RNF144A: variants seen among roughly 807,000 people sequenced by gnomAD.
RNF144A encodes the protein E3 ubiquitin-protein ligase RNF144A.
A neutral mutation model predicts 38.7 loss-of-function variants in RNF144A; 11 were observed. The ratio of observed to expected loss-of-function variants is 0.28; its 90% CI spans 0.18 to 0.47. RNF144A has a LOEUF of 0.47. RNF144A is among the 20% of genes least tolerant of loss of function. The probability of loss-of-function intolerance (pLI) is 0.99; values close to 1 mark genes in which losing one functional copy is unlikely to be tolerated. For synonymous variants in RNF144A, 149 were observed against 143.9 expected (o/e 1.04, Z -0.25); for missense variants, 316 against 377.2 (o/e 0.84, Z 1.34).
intron 1 of RNF144A, chr2:6,933,124 C>T (rs1386362935): frequency 6.6e-6 from 1 of 152,184 alleles, no homozygotes; most frequent in South Asian, 2.1e-4. Flanking sequence ...CTTGCAAGTT[C>T]AGCAACAGCT....
Position 7,055,404 on chromosome 2 carries a change from C to T in RNF144A, c.735-12812C>T, listed in dbSNP as rs564038220. On this transcript the variant is annotated intron_variant, in intron 6 of 6. Coordinates refer to the RNF144A transcript ENST00000432850. ...ATTAATGTTTGAAACCATTATACCA[C>T]CTTTAGCCTACTCCTTCCCTGCAGC... 3.3e-5 allele frequency among the ~76,000 whole-genome samples: 5 copies of T among 152,324 alleles called. No individual in the cohort carries two copies. The South Asian group carries it at 1.0e-3, about 32-fold the overall frequency.
rs2103261410 is a variant in RNF144A, at chr2:6,917,799, G to A, written c.-212+177G>A. Among the ~76,000 whole-genome samples the A allele has an allele frequency of 6.6e-6, 1 of 150,510 alleles. No individual in the cohort carries two copies. Among genetic ancestry groups the A allele is most frequent in the South Asian group, 2.1e-4 (1 of 4,826 alleles). ...CGGGCGGGGGGCAGCGTCCCGGGCG[G>A]GGACTCGCGGGCTCCGTTCAGAGGA... On this transcript the variant is annotated intron_variant, in intron 1 of 8. Transcript: ENST00000320892. This position sits in a 1 kb window ranked among gnomAD's most constrained non-coding sequence, Gnocchi z 4.8.
At chr2:6,963,574 A>G (rs1667475259) in intron 2 of RNF144A, among the ~76,000 whole-genome samples, 1 of 152,226 alleles carries the variant, frequency 6.6e-6, no homozygotes, top group Non-Finnish European at 1.5e-5. Flanking sequence ...GTTTCCAAAA[A>G]TGACCGAACA....
chr2:6,967,417 C>G (rs1420648671), intron 2 of RNF144A, among the ~76,000 whole-genome samples: 1 of 152,176 alleles, frequency 6.6e-6, no homozygotes, highest in Non-Finnish European at 1.5e-5. Context: ...GGGAACCGGC[C>G]CAGGGTCTTG....
At chr2:6,998,432 T>A (rs1392847866) in intron 3 of RNF144A, among the ~76,000 whole-genome samples, 1 of 152,254 alleles carries the variant, frequency 6.6e-6, no homozygotes, top group Admixed American at 6.5e-5. Context: ...TACAAACATT[T>A]ACATCTGTGT....
At chr2:6,921,649 G>A (rs1171370799) in intron 1 of RNF144A, among the ~76,000 whole-genome samples, 2 of 152,186 alleles carry the variant, frequency 1.3e-5, no homozygotes, top group South Asian at 2.1e-4. Context: ...TCTAGGGAGC[G>A]GGAAGCTCAA....
rs1305443403 is a variant in RNF144A, at chr2:6,962,395, A to G, written c.-12+21248A>G. 6.6e-6 allele frequency among the ~76,000 whole-genome samples: 1 copy of G among 152,200 alleles called. No individual in the cohort carries two copies. Among genetic ancestry groups the G allele is most frequent in the Non-Finnish European group, 1.5e-5 (1 of 68,032 alleles). ...TGGTGCAGCTGCTGGCATCCCCCAT[A>G]GAAGTTTCTGGCTTCCTTATTTATG... On this transcript the variant is annotated intron_variant, in intron 2 of 8. Coordinates refer to ENST00000320892, the MANE Select transcript of RNF144A (RefSeq NM_014746.6). This position sits in a 1 kb window ranked among gnomAD's most constrained non-coding sequence, Gnocchi z 4.1.
intron 2 of RNF144A, among the ~76,000 whole-genome samples, chr2:6,961,392 A>T (rs1470841530): frequency 4.0e-5 from 6 of 149,646 alleles, no homozygotes; most frequent in African/African-American, 1.2e-4. Flanking sequence ...ATAAAGGTAC[A>T]TTTTTTTTTT....
downstream of RNF144A, among the ~76,000 whole-genome samples, chr2:7,044,847 G>C (rs1673236375): frequency 6.6e-6 from 1 of 152,218 alleles, no homozygotes; most frequent in Non-Finnish European, 1.5e-5. Context: ...GCACATTAAG[G>C]GAGTGGATTT....
intron 1 of RNF144A, among the ~76,000 whole-genome samples, chr2:6,923,170 C>T (rs1488903049): frequency 6.6e-6 from 1 of 152,218 alleles, no homozygotes; most frequent in Non-Finnish European, 1.5e-5. Context: ...GAGGCAGCAG[C>T]GCTTCCTCAT....
chr2:7,018,806 C>T (rs1372457104), intron 5 of RNF144A, among the ~76,000 whole-genome samples: 1 of 152,098 alleles, frequency 6.6e-6, no homozygotes, highest in South Asian at 2.1e-4. Flanking sequence ...TGACCTCCAG[C>T]GTTCCTTGTT....
intron 1 of RNF144A, among the ~76,000 whole-genome samples, chr2:6,926,965 G>T (rs1024804120): frequency 1.3e-5 from 2 of 152,168 alleles, no homozygotes; most frequent in African/African-American, 4.8e-5. Context: ...AAACAAGGGA[G>T]AGTTTACCGT....
At chr2:6,931,384 G>C (rs944943029) in intron 1 of RNF144A, among the ~76,000 whole-genome samples, 3 of 152,232 alleles carry the variant, frequency 2.0e-5, no homozygotes, top group Non-Finnish European at 2.9e-5. Flanking sequence ...AACCTTGAAG[G>C]CCTGTCCAAA....
downstream of RNF144A, among the ~76,000 whole-genome samples, chr2:7,047,268 A>G (rs6725208): frequency 3.5e-5 from 4 of 115,700 alleles, no homozygotes; most frequent in East Asian, 9.1e-4. Context: ...ATGTGTGTCT[A>G]TGTGTGTGAC....
chr2:6,931,790 C>G (rs1429227382), intron 1 of RNF144A, among the ~76,000 whole-genome samples: 1 of 152,122 alleles, frequency 6.6e-6, no homozygotes, highest in Non-Finnish European at 1.5e-5. Context: ...GATATGAGGC[C>G]ATACTTTGTA....
chr2:7,029,450 G>A (rs1672133822), intron 7 of RNF144A, among the ~76,000 whole-genome samples: 1 of 152,220 alleles, frequency 6.6e-6, no homozygotes, highest in Non-Finnish European at 1.5e-5. Context: ...AACGCCTGGA[G>A]GGAGGCGTCC....
chr2:7,052,279 G>T (rs1673561552), intron 6 of RNF144A, among the ~76,000 whole-genome samples: 1 of 152,198 alleles, frequency 6.6e-6, no homozygotes, highest in Admixed American at 6.5e-5. Flanking sequence ...CTCCACCTGG[G>T]AGCTCACTGC....
chr2:7,017,266 C>T (rs1187829768), intron 5 of RNF144A, among the ~76,000 whole-genome samples: 2 of 151,606 alleles, frequency 1.3e-5, no homozygotes, highest in African/African-American at 4.9e-5. Context: ...AGTGCCTGGC[C>T]AAGTGAATGC....
At chr2:7,009,877 T>A (rs952057626) in intron 3 of RNF144A, among the ~76,000 whole-genome samples, 1 of 152,200 alleles carries the variant, frequency 6.6e-6, no homozygotes, top group African/African-American at 2.4e-5. Flanking sequence ...CTGCTGGGGC[T>A]CAGAGGAATG....
Sources: gnomAD v4.1 joint callset for allele counts (sites outside exome capture counted in the v4.1 genomes callset) on GRCh38, gnomAD v4.1.1 for gene constraint, Gnocchi (gnomAD v3.1) non-coding constraint, MANE v1.5 for transcripts, NCBI Gene and HGNC (gene_info 2026-07-23, HGNC 2026-07-21) for gene names.